Variants in CPSF3 observed in about 807,000 individuals in gnomAD.
The protein encoded by CPSF3 is cleavage and polyadenylation specific factor 3.
Under a neutral mutation model 84.1 loss-of-function variants are expected in CPSF3, and 57 were observed. That is an observed-to-expected ratio of 0.68 (90% CI 0.55 to 0.85). The LOEUF (loss-of-function observed/expected upper bound fraction) is 0.85, where lower values mean the gene tolerates loss of function less well. CPSF3 is among the 40% of genes least tolerant of loss of function. The pLI is 0.00. For missense variants in CPSF3, 522 were observed against 838.8 expected (o/e 0.62, Z 4.66); for synonymous variants, 275 against 278.1 (o/e 0.99, Z 0.11).
chr2:9,431,782 C>G (rs1232562442), intron 4 of CPSF3, among the ~76,000 whole-genome samples: 1 of 151,930 alleles, frequency 6.6e-6, no homozygotes, highest in Non-Finnish European at 1.5e-5. Context: ...AACTCCTGAC[C>G]TCAGGTGATC....
chr2:9,444,162 T>A (rs866596497), intron 10 of CPSF3, among the ~76,000 whole-genome samples: 2,499 of 103,558 alleles, frequency 0.024, 26 homozygotes, highest in African/African-American at 0.029. Context: ...ATATATATTT[T>A]TTTTTTTTTT....
intron 15 of CPSF3, among the ~76,000 whole-genome samples, chr2:9,464,124 T>G (rs1681825381): frequency 6.6e-6 from 1 of 152,212 alleles, no homozygotes; most frequent in African/African-American, 2.4e-5. Flanking sequence ...GTCCCCATTC[T>G]TAACCAAAGG....
At chr2:9,469,723 C>T (rs1682098215) in intron 16 of CPSF3, among the ~76,000 whole-genome samples, 1 of 152,128 alleles carries the variant, frequency 6.6e-6, no homozygotes, top group Non-Finnish European at 1.5e-5. Flanking sequence ...TTCCATTCGG[C>T]CAGGAATGGG....
chr2:9,471,233 G>A (rs1682151735), intron 16 of CPSF3, 110 bp from the exon 17 acceptor site: 2 of 653,772 alleles, frequency 3.1e-6, no homozygotes, highest in South Asian at 1.8e-5. Flanking sequence ...AAGAAAAAAA[G>A]TAAATACAGT....
At chr2:9,446,754 C>CA (rs139071454) in intron 10 of CPSF3, among the ~76,000 whole-genome samples, 5,561 of 143,110 alleles carry the variant, frequency 0.039, 335 homozygotes, top group African/African-American at 0.13. Context: ...AAGACTGTCT[C>CA]AAAAAAAAAA....
chr2:9,435,611 C>T (rs569324556), intron 6 of CPSF3, among the ~76,000 whole-genome samples: 3 of 151,780 alleles, frequency 2.0e-5, no homozygotes, highest in African/African-American at 7.3e-5. Context: ...TTAGTAGAGA[C>T]GGGGTTTCAT....
In CPSF3 at chr2:9,433,853, G is replaced by C. The variant is rs76962241; in HGVS notation, c.520-18G>C. 5.8e-4 allele frequency: 908 copies of C among 1,565,232 alleles called. 3 individuals are homozygous for C. In the African/African-American group the frequency reaches 0.011, roughly 20 times the overall value. On this transcript the variant is annotated intron_variant, in intron 5 of 17. Transcript: ENST00000238112. ...GCCTTCCCCAAATCCTAACTTTCTA[G>C]TTTTATCTTTTTCACAGCTTTTGTA... is the stretch of plus-strand genomic sequence containing the variant.
At chr2:9,448,501 T>G (rs1327190589) in intron 11 of CPSF3, 151 bp downstream of exon 11, 1 of 643,392 alleles carries the variant, frequency 1.6e-6, no homozygotes, top group African/African-American at 1.8e-5. Flanking sequence ...CTTTTTGGCT[T>G]CTTTTGGTTC....
intron 11 of CPSF3, among the ~76,000 whole-genome samples, chr2:9,451,854 C>T (rs1462631678): frequency 6.6e-6 from 1 of 151,570 alleles, no homozygotes; most frequent in East Asian, 2.0e-4. Context: ...GTAGCTGGGA[C>T]TACAGGCGCC....
At chr2:9,443,800 C>T (rs1681035462) in intron 10 of CPSF3, 139 bp downstream of exon 10, 2 of 836,500 alleles carry the variant, frequency 2.4e-6, no homozygotes, top group Admixed American at 2.7e-5. Context: ...CACATGCACT[C>T]GGATTTGGCC....
At chr2:9,446,366 G>A (rs1054406488) in intron 10 of CPSF3, among the ~76,000 whole-genome samples, 3 of 152,040 alleles carry the variant, frequency 2.0e-5, no homozygotes, top group African/African-American at 7.2e-5. Context: ...AGATCACGAG[G>A]TCAGGAGATG....
At chr2:9,449,515 G>A (rs538381320) in intron 11 of CPSF3, among the ~76,000 whole-genome samples, 1 of 152,264 alleles carries the variant, frequency 6.6e-6, no homozygotes, top group African/African-American at 2.4e-5. Flanking sequence ...GCCAAGTCAG[G>A]CGAATCGCTT....
intron 1 of CPSF3, chr2:9,424,579 T>C (rs1320153043): frequency 6.6e-6 from 1 of 152,210 alleles, no homozygotes; most frequent in African/African-American, 2.4e-5. Context: ...ATATACGCTT[T>C]CCAAAAGGTA....
intron 15 of CPSF3, among the ~76,000 whole-genome samples, chr2:9,466,249 C>A (rs982809378): frequency 1.0e-5 from 1 of 98,964 alleles, no homozygotes; most frequent in Non-Finnish European, 2.4e-5. Context: ...CGCACGCACG[C>A]GCACACACGC....
chr2:9,424,075 A>AG, intron 1 of CPSF3: 1 of 1,221,428 alleles, frequency 8.2e-7, no homozygotes, highest in Non-Finnish European at 1.0e-6. Context: ...CGGAAAAAAA[A>AG]AAGTTTTACG....
Position 9,435,615 on chromosome 2 carries a change from G to T in CPSF3, c.610-596G>T, listed in dbSNP as rs557931380. On this transcript the variant is annotated intron_variant, in intron 6 of 17. Coordinates refer to ENST00000238112, the MANE Select transcript of CPSF3 (RefSeq NM_016207.4). ...TTTTTGTATTTTTAGTAGAGACGGGGTTTCATCCTGTTGGTCAGACTGGAC... is the reference window on the plus strand; with the variant it reads ...TTTTTGTATTTTTAGTAGAGACGGGTTTTCATCCTGTTGGTCAGACTGGAC... Among the ~76,000 whole-genome samples the T allele has an allele frequency of 5.3e-5, 8 of 151,888 alleles. No individual in the cohort carries two copies. The South Asian group carries it at 1.5e-3, about 28-fold the overall frequency.
Position 9,443,556 on chromosome 2 carries a change from A to G in CPSF3, c.1137A>G (p.Gly379=), listed in dbSNP as rs758343374. The G allele has an allele frequency of 1.2e-6, 2 of 1,614,164 alleles. No homozygotes were observed. The highest frequency in any genetic ancestry group is 4.5e-5 in the East Asian group (2 of 44,890). The change falls in exon 10 of 18, where the codon GGA becomes GGG. Residue 379 remains glycine, a synonymous_variant. Transcript: ENST00000238112. ...SEPEEITTMS[G]QKLPLKMSVD... is the part of the protein sequence containing the mutation. ...CTGAAGAAATCACTACTATGTCTGG[A>G]CAGAAGTTACCACTGAAAATGTCTG...
chr2:9,429,837 G>C, intron 2 of CPSF3, 86 bp from the exon 3 acceptor site: 1 of 861,398 alleles, frequency 1.2e-6, no homozygotes, highest in Non-Finnish European at 1.9e-6. Context: ...GTATATGGGT[G>C]ATGGAACTAG....
chr2:9,443,705 T>A, intron 10 of CPSF3, 44 bp downstream of exon 10: 1 of 1,601,092 alleles, frequency 6.2e-7, no homozygotes, highest in Non-Finnish European at 8.5e-7. Context: ...GGAAAAAAAG[T>A]GCATACCCAG....
Sources: gnomAD v4.1 joint callset for allele counts (sites outside exome capture counted in the v4.1 genomes callset) on GRCh38, gnomAD v4.1.1 for gene constraint, MANE v1.5 for transcripts, NCBI Gene and HGNC (gene_info 2026-07-23, HGNC 2026-07-21) for gene names.